RAB27B: variants seen among roughly 807,000 people sequenced by gnomAD.
RAB27B encodes RAB27B, member RAS oncogene family.
A neutral mutation model predicts 24.6 loss-of-function variants in RAB27B; 15 were observed. The ratio of observed to expected loss-of-function variants is 0.61; its 90% CI spans 0.41 to 0.94. The LOEUF is 0.94. RAB27B is among the 40% of genes least tolerant of loss of function. The pLI is 0.00. For missense variants in RAB27B, 261 were observed against 266.8 expected, an observed-to-expected ratio of 0.98 and a Z score of 0.15; for synonymous variants, 105 against 92.5, an observed-to-expected ratio of 1.14 and a Z score of -0.78.
At chr18:54,868,374 C>G (rs1280226906) in intron 1 of RAB27B, among the ~76,000 whole-genome samples, 1 of 152,088 alleles carries the variant, frequency 6.6e-6, no homozygotes, top group Non-Finnish European at 1.5e-5. Flanking sequence ...TGAGGCCTCC[C>G]CAGAAGCCAA....
At chr18:54,813,767 A>T (rs1910038803) in intron 2 of RAB27B, among the ~76,000 whole-genome samples, 1 of 152,188 alleles carries the variant, frequency 6.6e-6, no homozygotes, top group Non-Finnish European at 1.5e-5. Flanking sequence ...TAAATATGTC[A>T]ATTCACCTCA....
chr18:54,723,242 CTGCTACTGTTTAAAA>C (rs1909417782), intron 2 of RAB27B, among the ~76,000 whole-genome samples: 1 of 152,218 alleles, frequency 6.6e-6, no homozygotes, highest in Admixed American at 6.5e-5. Flanking sequence ...AGACCTTGTG[CTGCTACTGTTTAAAA>C]TCTACCTGCG....
At chr18:54,773,444 A>G (rs1015531012) in intron 2 of RAB27B, among the ~76,000 whole-genome samples, 3 of 152,214 alleles carry the variant, frequency 2.0e-5, no homozygotes, top group Non-Finnish European at 4.4e-5. Context: ...GGAAAGGGAC[A>G]GAGGTATTGC....
intron 1 of RAB27B, among the ~76,000 whole-genome samples, chr18:54,874,749 A>G (rs1166176508): frequency 6.6e-6 from 1 of 152,228 alleles, no homozygotes; most frequent in Non-Finnish European, 1.5e-5. Flanking sequence ...TTTAGTTACT[A>G]ATATCGTATA....
Position 54,720,538 on chromosome 18 carries a change from A to G in RAB27B, c.-20+2397A>G, listed in dbSNP as rs373743248. ...AAAAGACAGATTTTACATTATTTCTACATAGAAAAATATAGCATTTACAGT... is the reference window on the plus strand; with the variant it reads ...AAAAGACAGATTTTACATTATTTCTGCATAGAAAAATATAGCATTTACAGT... On this transcript the variant is annotated intron_variant, in intron 2 of 4. Transcript: ENST00000586570. Among the ~76,000 whole-genome samples, 41 of 152,292 alleles carry G rather than the reference A, an allele frequency of 2.7e-4. 1 individual carries two copies. The South Asian group carries it at 8.1e-3, about 30-fold the overall frequency.
At chr18:54,831,362 G>T (rs774216027) in intron 1 of RAB27B, among the ~76,000 whole-genome samples, 6 of 152,012 alleles carry the variant, frequency 3.9e-5, no homozygotes, top group Non-Finnish European at 7.4e-5. Context: ...GTGAGATGGG[G>T]GTAGCAAGAA....
intron 1 of RAB27B, among the ~76,000 whole-genome samples, chr18:54,846,218 G>A (rs947077133): frequency 6.6e-6 from 1 of 152,094 alleles, no homozygotes; most frequent in African/African-American, 2.4e-5. Context: ...TGCTGTTGAC[G>A]ATGAGTTCAG....
At chr18:54,841,004 G>A (rs558324319) in intron 1 of RAB27B, among the ~76,000 whole-genome samples, 5 of 152,062 alleles carry the variant, frequency 3.3e-5, no homozygotes, top group Admixed American at 6.6e-5. Context: ...AAAATTAGCC[G>A]GGCATGGTGG....
intron 2 of RAB27B, among the ~76,000 whole-genome samples, chr18:54,788,241 T>G (rs1238796322): frequency 6.6e-6 from 1 of 152,190 alleles, no homozygotes; most frequent in Non-Finnish European, 1.5e-5. Flanking sequence ...TATGAGTAAT[T>G]GCTAATTGTA....
intron 2 of RAB27B, among the ~76,000 whole-genome samples, chr18:54,800,477 C>T (rs1187823003): frequency 6.6e-6 from 1 of 152,184 alleles, no homozygotes; most frequent in Non-Finnish European, 1.5e-5. Context: ...CAGCACTGGG[C>T]ATTAATTCCT....
At chr18:54,785,428 T>G (rs1426521622) in intron 2 of RAB27B, among the ~76,000 whole-genome samples, 5 of 138,274 alleles carry the variant, frequency 3.6e-5, no homozygotes, top group Non-Finnish European at 6.1e-5. Context: ...TGCTCTCACC[T>G]TCCTCAGGTT....
At position 54,889,383 on chromosome 18, in the gene RAB27B, A is replaced by T; in HGVS notation, c.627A>T (p.Glu209Asp). ...NGGNSGNLDG[E>D]KPPEKKCIC ...GAAATTCTGGAAACTTGGATGGGGA[A>T]AAGCCACCAGAGAAGAAATGTATCT... The change falls in exon 6 of 6, where the codon GAA becomes GAT. Residue 209 changes from glutamate (E) to aspartate (D), a missense_variant. By Grantham distance (45) the Glu-to-Asp change is conservative. Transcript: ENST00000262094. 6.2e-7 allele frequency: 1 copy of T among 1,613,038 alleles called. No individual in the cohort carries two copies. The highest frequency in any genetic ancestry group is 8.5e-7 in the Non-Finnish European group (1 of 1,179,328).
rs577928782 is a variant in RAB27B, at chr18:54,849,832, A to G, written c.-20+21132A>G. The stretch of plus-strand genomic sequence containing the variant: ...AACCATTTACAAAAGGAAACTGAAT[A>G]GACCTCTGACACTCTTGTCTCCAAT... On this transcript the variant is annotated intron_variant, in intron 1 of 5. Coordinates refer to ENST00000262094, the MANE Select transcript of RAB27B (RefSeq NM_004163.4). 5.3e-5 allele frequency among the ~76,000 whole-genome samples: 8 copies of G among 152,316 alleles called. No individual in the cohort carries two copies. The South Asian group carries it at 1.0e-3, about 20-fold the overall frequency.
chr18:54,815,472 T>C (rs771577114), intron 2 of RAB27B, among the ~76,000 whole-genome samples: 5 of 152,198 alleles, frequency 3.3e-5, no homozygotes, highest in Non-Finnish European at 7.3e-5. Context: ...TTCCAAATAC[T>C]CCTGGGAGAT....
At chr18:54,783,845 T>A (rs562695600) in intron 2 of RAB27B, among the ~76,000 whole-genome samples, 160 of 152,258 alleles carry the variant, frequency 1.1e-3, no homozygotes, top group African/African-American at 3.6e-3. Flanking sequence ...TTACAGTCAC[T>A]CCTCAAGAGA....
intron 1 of RAB27B, among the ~76,000 whole-genome samples, chr18:54,847,004 C>T (rs1911366748): frequency 6.6e-6 from 1 of 152,110 alleles, no homozygotes; most frequent in African/African-American, 2.4e-5. Flanking sequence ...GTGCCCGCCA[C>T]CACACATGGC....
intron 1 of RAB27B, among the ~76,000 whole-genome samples, chr18:54,861,692 T>A (rs1469331573): frequency 2.0e-5 from 3 of 151,934 alleles, no homozygotes; most frequent in Non-Finnish European, 4.4e-5. Context: ...TTAGGGAGAG[T>A]GTTAAAAGGT....
intron 2 of RAB27B, among the ~76,000 whole-genome samples, chr18:54,763,307 GTTTA>G (rs375150305): frequency 0.027 from 4,064 of 151,760 alleles, 69 homozygotes; most frequent in Middle Eastern, 0.092. Context: ...CTATGTGTTT[GTTTA>G]TTTATTTATT....
intron 2 of RAB27B, among the ~76,000 whole-genome samples, chr18:54,803,994 A>G (rs1374997723): frequency 1.3e-5 from 2 of 152,154 alleles, no homozygotes; most frequent in Non-Finnish European, 1.5e-5. Context: ...GTGGATAATC[A>G]GTCCTGATTA....
Sources: allele counts gnomAD v4.1 joint callset (sites outside exome capture counted in the v4.1 genomes callset), GRCh38; gene constraint gnomAD v4.1.1; transcripts MANE v1.5; gene names NCBI Gene and HGNC (gene_info 2026-07-23, HGNC 2026-07-21).